ZNF875: variants seen among roughly 807,000 people sequenced by gnomAD.
The protein encoded by ZNF875 is HKR1, GLI-Kruppel zinc finger family member.
A neutral mutation model predicts 11.2 loss-of-function variants in ZNF875; 14 were observed. The ratio of observed to expected loss-of-function variants is 1.26; its 90% CI spans 0.83 to 1.96. The LOEUF is 1.96. Ranked by LOEUF, ZNF875 falls within the 30% of genes most tolerant of loss-of-function variation. The pLI, the probability that ZNF875 is intolerant of heterozygous loss-of-function variation, is 0.00. For missense variants in ZNF875, 752 were observed against 760.4 expected (o/e 0.99, Z 0.13); for synonymous variants, 301 against 281.1 (o/e 1.07, Z -0.71).
chr19:37,343,866 C>T (rs2036259870), intron 2 of ZNF875, among the ~76,000 whole-genome samples: 1 of 152,182 alleles, frequency 6.6e-6, no homozygotes. Flanking sequence ...CCGCAAGCAA[C>T]AGTAAACCTA....
At chr19:37,327,312 G>C (rs2032639411) in intron 4 of ZNF875, among the ~76,000 whole-genome samples, 1 of 152,062 alleles carries the variant, frequency 6.6e-6, no homozygotes, top group Non-Finnish European at 1.5e-5. Flanking sequence ...ATTTCAAAAG[G>C]TGTGTATAGA....
chr19:37,330,111 G>T (rs1475894773), upstream of ZNF875, among the ~76,000 whole-genome samples: 11 of 151,928 alleles, frequency 7.2e-5, no homozygotes, highest in Non-Finnish European at 7.4e-5. Context: ...GAAAAATAAA[G>T]AATATTTTTT....
Position 37,363,765 on chromosome 19 carries a change from A to G in ZNF875, c.1913A>G (p.His638Arg), listed in dbSNP as rs780982267. The part of the protein sequence containing the change: ...KSNLIRHQRT[H>R]SG ...AACCTTATCAGACATCAGAGGACAC[A>G]CTCAGGATAGAAACTTTATGTGTAT... Residue 638 changes from histidine to arginine, a missense_variant, in exon 5 of 5, where the codon CAC becomes CGC. Physicochemically the swap from His to Arg is conservative, Grantham distance 29. Coordinates refer to ENST00000392153, the MANE Select transcript of ZNF875 (RefSeq NM_001353803.2). 1.2e-6 allele frequency: 2 copies of G among 1,613,760 alleles called. No individual in the cohort carries two copies. The highest frequency in any genetic ancestry group is 1.1e-5 in the South Asian group (1 of 91,028).
chr19:37,323,915 G>C (rs1186078949), intron 3 of ZNF875, among the ~76,000 whole-genome samples: 1 of 152,138 alleles, frequency 6.6e-6, no homozygotes, highest in Admixed American at 6.5e-5. Context: ...GGGCCCCAGT[G>C]GGTAAGCTCT....
chr19:37,354,414 G>C (rs1244971481), intron 4 of ZNF875, among the ~76,000 whole-genome samples: 1 of 151,172 alleles, frequency 6.6e-6, no homozygotes, highest in East Asian at 1.9e-4. Flanking sequence ...ATATTTTCCA[G>C]TGCCTTTGAG....
rs145361971 is a variant in ZNF875, at chr19:37,363,544, G to C, written c.1692G>C (p.Glu564Asp). The C allele has an allele frequency of 6.6e-5, 106 of 1,613,276 alleles. No individual in the cohort carries two copies. The African/African-American group carries it at 1.4e-3, about 21-fold the overall frequency. ...RAHSGAFVCR[E>D]CGQGFCAKLT... ...ACTCAGGTGCCTTTGTGTGCAGGGA[G>C]TGTGGGCAAGGCTTTTGTGCTAAGT... The change falls in exon 5 of 5, where the codon GAG (glutamate) becomes GAC (aspartate). Residue 564 changes from glutamate (E) to aspartate (D), a missense_variant. Physicochemically the swap from Glu to Asp is conservative, Grantham distance 45 (BLOSUM62 2). Transcript: ENST00000392153.
intron 4 of ZNF875, among the ~76,000 whole-genome samples, chr19:37,352,999 G>A (rs2038204258): frequency 2.0e-5 from 3 of 148,314 alleles, no homozygotes; most frequent in East Asian, 2.0e-4. Flanking sequence ...TCAGCTTCCC[G>A]AGTAGCTGGG....
At chr19:37,336,237 C>T (rs1599961579) in intron 2 of ZNF875, among the ~76,000 whole-genome samples, 1 of 151,260 alleles carries the variant, frequency 6.6e-6, no homozygotes, top group East Asian at 2.0e-4. Flanking sequence ...TAGATAGTTT[C>T]AGAGGCTGGA....
Position 37,364,021 on chromosome 19 carries a change from A to G in ZNF875, c.*246A>G. ...CCTCACTGTGGATGGTGGGTTGTGGAAACCCGGTCAGGTAATGATAGTGGC... is the reference window on the plus strand; with the variant it reads ...CCTCACTGTGGATGGTGGGTTGTGGGAACCCGGTCAGGTAATGATAGTGGC... On this transcript the variant is annotated 3_prime_UTR_variant, in exon 5 of 5. Transcript: ENST00000392153. 2.0e-6 allele frequency: 1 copy of G among 492,854 alleles called. No homozygotes were observed. The highest frequency in any genetic ancestry group is 3.6e-6 in the Non-Finnish European group (1 of 275,678). 30.5% of individuals were successfully genotyped at this position (492,854 alleles called of 1,614,324 possible). A position where few individuals can be genotyped will look rare whatever the true frequency, so the allele number is the denominator to read the frequency against.
At chr19:37,335,078 C>T (rs1292086772) in intron 1 of ZNF875, 91 bp from the exon 2 acceptor site, 3 of 617,302 alleles carry the variant, frequency 4.9e-6, no homozygotes, top group African/African-American at 3.6e-5. Context: ...CATCCCAGAC[C>T]CCAACTGTGG....
upstream of ZNF875, among the ~76,000 whole-genome samples, chr19:37,331,352 C>T (rs1302093765): frequency 2.0e-5 from 3 of 151,624 alleles, no homozygotes; most frequent in African/African-American, 7.3e-5. Flanking sequence ...GCCTCACCCT[C>T]CCAAGTAGCT....
chr19:37,346,925 G>T (rs1009110165), intron 2 of ZNF875: 2 of 338,056 alleles, frequency 5.9e-6, no homozygotes, highest in African/African-American at 2.2e-5. Flanking sequence ...GTGCAATGGC[G>T]CAATCTCGGC....
intron 4 of ZNF875, among the ~76,000 whole-genome samples, chr19:37,361,109 C>CTTTTT (rs772368148): frequency 3.5e-5 from 4 of 115,814 alleles, no homozygotes; most frequent in South Asian, 2.9e-4. Context: ...TTGTCTTCTC[C>CTTTTT]TTTTTTTTTT....
chr19:37,363,808 C>A lies in ZNF875; in HGVS notation c.*33C>A. The A allele has an allele frequency of 4.4e-6, 7 of 1,576,274 alleles. No homozygotes were observed. Among genetic ancestry groups the A allele is most frequent in the Middle Eastern group, 1.7e-4 (1 of 5,966 alleles). On this transcript the variant is annotated 3_prime_UTR_variant, in exon 5 of 5. Transcript: ENST00000392153. Reference sequence around the variant, plus strand: ...ATGTGTATAGGGAATGTGGTACAGCCTTTAGCCAGGAGTCATACTTCATCA... The same window carrying A: ...ATGTGTATAGGGAATGTGGTACAGCATTTAGCCAGGAGTCATACTTCATCA...
At position 37,362,777 on chromosome 19, in the gene ZNF875, C is replaced by G. The variant is rs2040171909; in HGVS notation, c.925C>G (p.Pro309Ala). 2 of 1,613,694 alleles carry G rather than the reference C, an allele frequency of 1.2e-6. No individual in the cohort carries two copies. The highest frequency in any genetic ancestry group is 1.7e-6 in the Non-Finnish European group (2 of 1,179,918). Residue 309 changes from proline to alanine, a missense_variant, in exon 5 of 5, where the codon CCT (proline) becomes GCT (alanine). By Grantham distance (27) the Pro-to-Ala change is conservative. Transcript: ENST00000392153. Reference sequence around the variant, plus strand: ...TCAGAGGACACACTCAGGGGAGAAACCTTATGTGTGCAAGGATTGTGGACG... The same window carrying G: ...TCAGAGGACACACTCAGGGGAGAAAGCTTATGTGTGCAAGGATTGTGGACG... ...THQRTHSGEK[P>A]YVCKDCGRGF...
intron 4 of ZNF875, among the ~76,000 whole-genome samples, chr19:37,326,664 C>CT (rs35805509): frequency 0.53 from 46,594 of 87,938 alleles, 14,482 homozygotes; most frequent in Non-Finnish European, 0.61. Flanking sequence ...AATTAGAAAG[C>CT]TTTTTTTTTT....
chr19:37,347,113 G>T, intron 2 of ZNF875, 77 bp from the exon 3 acceptor site: 12 of 1,600,642 alleles, frequency 7.5e-6, no homozygotes, highest in Non-Finnish European at 9.4e-6. Context: ...CACCGGGCCT[G>T]GCCTTGACCT....
chr19:37,362,310 A>C lies in ZNF875; in HGVS notation c.458A>C (p.Glu153Ala), dbSNP rs774343027. ...QDPFCFSGKA[E>A]WIQEGEDSRL... ...CCATTCTGCTTTAGTGGCAAAGCAG[A>C]ATGGATTCAAGAGGGAGAAGACTCC... Residue 153 changes from glutamate (E) to alanine (A), a missense_variant, in exon 5 of 5, where the codon GAA (glutamate) becomes GCA (alanine). Coordinates refer to ENST00000392153, the MANE Select transcript of ZNF875 (RefSeq NM_001353803.2). 2.5e-6 allele frequency: 4 copies of C among 1,614,052 alleles called. No individual in the cohort carries two copies. The South Asian group carries it at 3.3e-5, about 13-fold the overall frequency.
intron 3 of ZNF875, chr19:37,323,644 G>A (rs913049795): frequency 2.6e-5 from 4 of 152,312 alleles, no homozygotes; most frequent in South Asian, 4.1e-4. Flanking sequence ...TGGGCTGCAC[G>A]AGAGTGGTCA....
Sources: allele counts gnomAD v4.1 joint callset (sites outside exome capture counted in the v4.1 genomes callset), GRCh38; gene constraint gnomAD v4.1.1; transcripts MANE v1.5; gene names NCBI Gene and HGNC (gene_info 2026-07-23, HGNC 2026-07-21).